ZZZ3: variants seen among roughly 807,000 people sequenced by gnomAD.
ZZZ3 encodes zinc finger ZZ-type containing 3.
In ZZZ3, 22 loss-of-function variants were observed where a neutral mutation model predicts 95.2. That is an observed-to-expected ratio of 0.23 (90% CI 0.17 to 0.33). The LOEUF (loss-of-function observed/expected upper bound fraction) is 0.33. ZZZ3 is among the 10% of genes least tolerant of loss of function. The pLI is 1.00. For synonymous variants in ZZZ3, 335 were observed against 358.9 expected (o/e 0.93, Z 0.75); for missense variants, 885 against 1,066.5 (o/e 0.83, Z 2.37).
In ZZZ3 at chr1:77,576,086, A is replaced by G. The variant is rs1317272889; in HGVS notation, c.2313T>C (p.Thr771=). The G allele has an allele frequency of 1.2e-6, 2 of 1,609,864 alleles. No homozygotes were observed. The highest frequency in any genetic ancestry group is 1.7e-5 in the Admixed American group (1 of 58,700). The change falls in exon 12 of 15, where the codon ACT becomes ACC. Residue 771 remains threonine, a synonymous_variant. Coordinates refer to ENST00000370801, the MANE Select transcript of ZZZ3 (RefSeq NM_015534.6). ...AACTTACTGATGCATCTTCAACAGC[A>G]GTGTTCATGTGGCTATGAAAACAAG... ...DRSCFHSHMN[T]AVEDASDDES...
At chr1:77,675,882 C>A (rs774435493) in intron 1 of ZZZ3, among the ~76,000 whole-genome samples, 1 of 152,132 alleles carries the variant, frequency 6.6e-6, no homozygotes, top group Non-Finnish European at 1.5e-5. Context: ...GACATAGATA[C>A]CTTCCTAAAG....
chr1:77,599,396 T>C (rs1664524297), intron 5 of ZZZ3, among the ~76,000 whole-genome samples: 1 of 152,070 alleles, frequency 6.6e-6, no homozygotes, highest in Non-Finnish European at 1.5e-5. Flanking sequence ...ATACTTATAC[T>C]TGATGAAAAA....
intron 1 of ZZZ3, among the ~76,000 whole-genome samples, chr1:77,646,025 C>G (rs566607086): frequency 6.6e-6 from 1 of 151,526 alleles, no homozygotes; most frequent in East Asian, 1.9e-4. Flanking sequence ...AGCATACAAT[C>G]TTCATTTATC....
chr1:77,568,278 C>CTAAA, intron 13 of ZZZ3, 54 bp downstream of exon 13: 3 of 1,442,454 alleles, frequency 2.1e-6, no homozygotes, highest in South Asian at 2.5e-5. Context: ...GACTCTGTCT[C>CTAAA]TAAATAAATA....
At chr1:77,616,105 T>G (rs1666286838) in intron 5 of ZZZ3, among the ~76,000 whole-genome samples, 1 of 152,170 alleles carries the variant, frequency 6.6e-6, no homozygotes, top group Admixed American at 6.5e-5. Context: ...TCAGACACGC[T>G]TCTTACCCCT....
intron 5 of ZZZ3, among the ~76,000 whole-genome samples, chr1:77,612,525 T>C (rs1421057705): frequency 6.6e-6 from 1 of 152,016 alleles, no homozygotes; most frequent in East Asian, 1.9e-4. Flanking sequence ...AGCTAAGATA[T>C]GGAAACAACC....
At chr1:77,657,637 A>T (rs1445880646) in intron 1 of ZZZ3, among the ~76,000 whole-genome samples, 1 of 152,216 alleles carries the variant, frequency 6.6e-6, no homozygotes, top group Non-Finnish European at 1.5e-5. Context: ...TAGCCAGTAA[A>T]TGAGTTCACA....
At chr1:77,566,025 G>A in intron 14 of ZZZ3, 56 bp downstream of exon 14, 2 of 1,370,398 alleles carry the variant, frequency 1.5e-6, no homozygotes, top group Non-Finnish European at 2.0e-6. Context: ...TTCACTAATG[G>A]CTGAGAAGCT....
At chr1:77,651,877 C>T (rs1275693858) in intron 1 of ZZZ3, among the ~76,000 whole-genome samples, 4 of 151,872 alleles carry the variant, frequency 2.6e-5, no homozygotes, top group Admixed American at 6.6e-5. Flanking sequence ...ATTAGCTGGG[C>T]GTGGTGGCGT....
At chr1:77,646,796 T>C (rs1207585947) in intron 1 of ZZZ3, among the ~76,000 whole-genome samples, 1 of 152,218 alleles carries the variant, frequency 6.6e-6, no homozygotes, top group Non-Finnish European at 1.5e-5. Flanking sequence ...GTTTACTTAC[T>C]GGAGAATTTC....
At chr1:77,653,190 A>G (rs1669961335) in intron 1 of ZZZ3, among the ~76,000 whole-genome samples, 1 of 152,114 alleles carries the variant, frequency 6.6e-6, no homozygotes, top group African/African-American at 2.4e-5. Flanking sequence ...CTGAAAGAAA[A>G]AAAAGGCAGG....
chr1:77,638,862 T>A (rs1278112185), intron 4 of ZZZ3, among the ~76,000 whole-genome samples: 1 of 152,188 alleles, frequency 6.6e-6, no homozygotes, highest in Non-Finnish European at 1.5e-5. Context: ...TTTAAGACAA[T>A]ACCTCAGCAG....
At chr1:77,616,813 G>A (rs1167520789) in intron 5 of ZZZ3, among the ~76,000 whole-genome samples, 1 of 152,106 alleles carries the variant, frequency 6.6e-6, no homozygotes, top group Non-Finnish European at 1.5e-5. Flanking sequence ...GTTGCAGTGA[G>A]CCAAGATCGC....
At chr1:77,581,153 A>G in intron 8 of ZZZ3, 84 bp from the exon 9 acceptor site, 1 of 1,057,104 alleles carries the variant, frequency 9.5e-7, no homozygotes, top group South Asian at 1.4e-5. Flanking sequence ...AAATTGTGGA[A>G]TTTTTAAATT....
At position 77,632,701 on chromosome 1, in the gene ZZZ3, A is replaced by C; in HGVS notation, c.654T>G (p.Cys218Trp). Reference sequence around the variant, plus strand: ...TTTGTTTAGTGTTCCCATCAGGCTGACAGTCATCACAGTTTATAACAGCTG... The same window carrying C: ...TTTGTTTAGTGTTCCCATCAGGCTGCCAGTCATCACAGTTTATAACAGCTG... ...SDSAVINCDD[C>W]QPDGNTKQNS... The change falls in exon 5 of 15, where the codon TGT becomes TGG. Residue 218 changes from cysteine (C) to tryptophan (W), a missense_variant. Coordinates refer to ENST00000370801, the MANE Select transcript of ZZZ3 (RefSeq NM_015534.6). The C allele has an allele frequency of 3.7e-6, 6 of 1,614,190 alleles. No individual in the cohort carries two copies. Among genetic ancestry groups the C allele is most frequent in the Non-Finnish European group, 5.1e-6 (6 of 1,180,028 alleles).
intron 5 of ZZZ3, among the ~76,000 whole-genome samples, chr1:77,598,399 C>T (rs1303692660): frequency 6.6e-6 from 1 of 152,104 alleles, no homozygotes; most frequent in Non-Finnish European, 1.5e-5. Context: ...AGGGGTTGGT[C>T]TTGCTGTTCC....
upstream of ZZZ3, among the ~76,000 whole-genome samples, chr1:77,683,083 G>C (rs1177613400): frequency 4.0e-5 from 2 of 49,446 alleles, no homozygotes; most frequent in East Asian, 3.9e-4. Context: ...CGCCCCACGT[G>C]GGGGCTTCGC....
Position 77,632,938 on chromosome 1 carries a change from T to C in ZZZ3, c.417A>G (p.Ser139=). The C allele has an allele frequency of 6.2e-7, 1 of 1,614,178 alleles. No individual in the cohort carries two copies. Among genetic ancestry groups the C allele is most frequent in the Non-Finnish European group, 8.5e-7 (1 of 1,180,020 alleles). The change falls in exon 5 of 15, where the codon TCA becomes TCG. Residue 139 remains serine, a synonymous_variant. Transcript: ENST00000370801. ...TCCTCTGTTCTACTGACTCCTTGTC[T>C]GATTTTATAGGAGAATCTTCTTCTG... ...NSSEEDSPIK[S]DKESVEQRST...
At chr1:77,611,243 A>AC (rs1044229043) in intron 5 of ZZZ3, among the ~76,000 whole-genome samples, 6 of 149,106 alleles carry the variant, frequency 4.0e-5, no homozygotes, top group Non-Finnish European at 8.9e-5. Context: ...AAAAAAAAAA[A>AC]AAAAAAACAA....
Sources: allele counts gnomAD v4.1 joint callset (sites outside exome capture counted in the v4.1 genomes callset), GRCh38; gene constraint gnomAD v4.1.1; transcripts MANE v1.5; gene names NCBI Gene and HGNC (gene_info 2026-07-23, HGNC 2026-07-21).